Variants in C12orf54 observed in about 807,000 individuals in gnomAD.
The protein encoded by C12orf54 is chromosome 12 open reading frame 54, also known as uncharacterized protein C12orf54.
A neutral mutation model predicts 26.4 loss-of-function variants in C12orf54; 24 were observed. The observed-to-expected ratio is 0.91, with a 90% CI of 0.66 to 1.28. The LOEUF is 1.28. Ranked by LOEUF, C12orf54 falls within the 50% of genes most tolerant of loss-of-function variation. C12orf54 has a pLI of 0.00. For missense variants in C12orf54, 154 were observed against 150.9 expected, an observed-to-expected ratio of 1.02 and a Z score of -0.11; for synonymous variants, 54 against 47.0, an observed-to-expected ratio of 1.15 and a Z score of -0.61.
At chr12:48,465,811 A>G in the C12orf54 span, among the ~76,000 whole-genome samples, 1 of 152,160 alleles carries the variant, frequency 6.6e-6, no homozygotes, top group African/African-American at 2.4e-5. Flanking sequence ...CTAACACAGG[A>G]ACAGAAAACC....
the C12orf54 span, among the ~76,000 whole-genome samples, chr12:48,413,422 A>T: frequency 1.3e-5 from 2 of 152,290 alleles, no homozygotes; most frequent in South Asian, 4.1e-4. Flanking sequence ...GTGTTCTAGG[A>T]AACTTGTCTG....
the C12orf54 span, among the ~76,000 whole-genome samples, chr12:48,447,030 T>C: frequency 6.6e-6 from 1 of 152,202 alleles, no homozygotes; most frequent in Non-Finnish European, 1.5e-5. Context: ...TAGTGATATA[T>C]ATAATTCACC....
At chr12:48,452,557 T>C in the C12orf54 span, among the ~76,000 whole-genome samples, 3 of 147,956 alleles carry the variant, frequency 2.0e-5, no homozygotes, top group African/African-American at 7.3e-5. Flanking sequence ...ATCAACAGAG[T>C]AAATAGACAG....
In C12orf54 at chr12:48,494,837, G is replaced by A. The variant is rs933140361; in HGVS notation, c.282G>A (p.Leu94=). ...RPPDSLMTPK[L]RRLQFSSGEQ... The stretch of plus-strand genomic sequence containing the variant: ...CAGATTCCTTGATGACCCCAAAGTT[G>A]AGAAGATTGCAGTTCAGCTCTGGAG... The change falls in exon 8 of 9, where the codon TTG becomes TTA. Residue 94 remains leucine (L), a synonymous_variant. Coordinates refer to ENST00000548364, the MANE Select transcript of C12orf54 (RefSeq NM_152319.4). 9.9e-6 allele frequency: 16 copies of A among 1,613,800 alleles called. No homozygotes were observed. Among genetic ancestry groups the A allele is most frequent in the Non-Finnish European group, 1.1e-5 (13 of 1,179,774 alleles).
chr12:48,446,583 A>T, the C12orf54 span, among the ~76,000 whole-genome samples: 3 of 152,250 alleles, frequency 2.0e-5, no homozygotes, highest in Non-Finnish European at 4.4e-5. Flanking sequence ...TAGAAAGCTC[A>T]GCATGAAGCA....
At chr12:48,478,168 G>T (rs1031582841), upstream of C12orf54, among the ~76,000 whole-genome samples, 3 of 152,210 alleles carry the variant, frequency 2.0e-5, no homozygotes, top group African/African-American at 4.8e-5. Context: ...CTCAATAGAT[G>T]CAGAAAAGGC....
the C12orf54 span, among the ~76,000 whole-genome samples, chr12:48,462,881 A>G: frequency 6.6e-6 from 1 of 151,876 alleles, no homozygotes; most frequent in Non-Finnish European, 1.5e-5. Flanking sequence ...ACATTGTACT[A>G]TAGATTCTAA....
chr12:48,486,195 C>T lies in C12orf54; in HGVS notation c.83C>T (p.Thr28Ile), dbSNP rs559650289. The T allele has an allele frequency of 1.2e-6, 2 of 1,610,934 alleles. No homozygotes were observed. Among genetic ancestry groups the T allele is most frequent in the East Asian group, 4.5e-5 (2 of 44,870 alleles). ...KQQRSTSIEETMRPQEKQVTI... is the reference protein window; with the variant it reads ...KQQRSTSIEEIMRPQEKQVTI... Reference sequence around the variant, plus strand: ...CTTTGCAGCACATCCATAGAAGAGACAATGAGACCACAGGTGGGTAAGGTA... The same window carrying T: ...CTTTGCAGCACATCCATAGAAGAGATAATGAGACCACAGGTGGGTAAGGTA... Residue 28 changes from threonine to isoleucine, a missense_variant, in exon 3 of 9, where the codon ACA (threonine) becomes ATA (isoleucine). Coordinates refer to ENST00000548364, the MANE Select transcript of C12orf54 (RefSeq NM_152319.4).
the C12orf54 span, among the ~76,000 whole-genome samples, chr12:48,425,932 C>CTTT: frequency 0.09 from 12,168 of 134,468 alleles, 949 homozygotes; most frequent in East Asian, 0.34. Flanking sequence ...GGTTGTTTGG[C>CTTT]TTTTTTTTTT....
the C12orf54 span, among the ~76,000 whole-genome samples, chr12:48,446,159 A>G: frequency 1.1e-4 from 17 of 152,316 alleles, no homozygotes; most frequent in Middle Eastern, 3.4e-3. Context: ...GGAGAAATTC[A>G]CAGGCGAGAA....
At chr12:48,474,080 G>A in the C12orf54 span, among the ~76,000 whole-genome samples, 92 of 152,226 alleles carry the variant, frequency 6.0e-4, no homozygotes, top group African/African-American at 1.8e-3. Flanking sequence ...CAAGGAAAAT[G>A]GATTTGGTAA....
At chr12:48,469,419 C>T in the C12orf54 span, among the ~76,000 whole-genome samples, 17 of 152,266 alleles carry the variant, frequency 1.1e-4, no homozygotes, top group African/African-American at 3.1e-4. Context: ...CGGTTCTTCC[C>T]GGCCCCGCAG....
the C12orf54 span, among the ~76,000 whole-genome samples, chr12:48,449,736 G>A: frequency 6.6e-6 from 1 of 152,046 alleles, no homozygotes; most frequent in African/African-American, 2.4e-5. Context: ...TTTAATTAAT[G>A]GATATTAATA....
upstream of C12orf54, among the ~76,000 whole-genome samples, chr12:48,478,026 G>C (rs1219697140): frequency 6.6e-6 from 1 of 152,170 alleles, no homozygotes; most frequent in Non-Finnish European, 1.5e-5. Context: ...GAATCCAGCA[G>C]CACATCATAA....
chr12:48,447,414 T>A, the C12orf54 span, among the ~76,000 whole-genome samples: 1 of 152,196 alleles, frequency 6.6e-6, no homozygotes, highest in African/African-American at 2.4e-5. Flanking sequence ...AATTGACTAA[T>A]ACAATAGAGA....
chr12:48,492,462 G>A (rs1221573851), intron 6 of C12orf54, among the ~76,000 whole-genome samples: 2 of 152,188 alleles, frequency 1.3e-5, no homozygotes, highest in Non-Finnish European at 2.9e-5. Context: ...GGTCCCTGCA[G>A]GGCCCTGGGA....
At chr12:48,452,724 T>C in the C12orf54 span, among the ~76,000 whole-genome samples, 5 of 152,250 alleles carry the variant, frequency 3.3e-5, no homozygotes, top group Admixed American at 6.5e-5. Context: ...AAAGAAGACA[T>C]ACATGTGATG....
At chr12:48,447,341 CA>C in the C12orf54 span, among the ~76,000 whole-genome samples, 2 of 152,092 alleles carry the variant, frequency 1.3e-5, no homozygotes, top group African/African-American at 4.8e-5. Flanking sequence ...TCCTCCAGAA[CA>C]GTGAGCATAT....
At chr12:48,493,415 C>T (rs188912704) in intron 7 of C12orf54, among the ~76,000 whole-genome samples, 80 of 151,966 alleles carry the variant, frequency 5.3e-4, no homozygotes, top group Admixed American at 2.7e-3. Context: ...GTGGTTGGAT[C>T]GCTTGAGCCC....
Sources: gnomAD v4.1 joint callset for allele counts (sites outside exome capture counted in the v4.1 genomes callset) on GRCh38, gnomAD v4.1.1 for gene constraint, MANE v1.5 for transcripts, NCBI Gene and HGNC (gene_info 2026-07-23, HGNC 2026-07-21) for gene names.